CIAPIN1: variants seen among roughly 807,000 people sequenced by gnomAD.
CIAPIN1 encodes anamorsin.
Under a neutral mutation model 34.3 loss-of-function variants are expected in CIAPIN1, and 18 were observed. The ratio of observed to expected loss-of-function variants is 0.52; its 90% CI spans 0.36 to 0.78. The LOEUF (loss-of-function observed/expected upper bound fraction) is 0.78. CIAPIN1 is among the 30% of genes least tolerant of loss of function. The pLI, the probability that CIAPIN1 is intolerant of heterozygous loss-of-function variation, is 0.00. For synonymous variants in CIAPIN1, 131 were observed against 140.4 expected, an observed-to-expected ratio of 0.93 and a Z score of 0.47; for missense variants, 310 against 372.5, an observed-to-expected ratio of 0.83 and a Z score of 1.38.
intron 3 of CIAPIN1, among the ~76,000 whole-genome samples, chr16:57,437,279 A>C (rs1406756881): frequency 1.3e-5 from 2 of 152,154 alleles, no homozygotes; most frequent in African/African-American, 4.8e-5. Context: ...GTTTTCAGTA[A>C]ATTACATGAG....
rs1186666493 is a variant in CIAPIN1, at chr16:57,436,750, CCAA to C, written c.311-21_311-19del. The C allele has an allele frequency of 6.2e-7, 1 of 1,603,200 alleles. No individual in the cohort carries two copies. Among genetic ancestry groups the C allele is most frequent in the Non-Finnish European group, 8.5e-7 (1 of 1,171,080 alleles). The stretch of plus-strand genomic sequence containing the variant: ...ATTGTTATCTGCCAAAAGGAAAATC[CCAA>C]TTAATAGCTTTATAGTTCAAAGTAG... On this transcript the variant is annotated intron_variant, in intron 3 of 8. Coordinates refer to ENST00000394391, the MANE Select transcript of CIAPIN1 (RefSeq NM_020313.4).
chr16:57,439,582 G>A (rs181341755), intron 2 of CIAPIN1, among the ~76,000 whole-genome samples: 30 of 152,324 alleles, frequency 2.0e-4, no homozygotes, highest in Admixed American at 3.3e-4. Flanking sequence ...GACCCCAAAC[G>A]GAGGGACCGG....
chr16:57,431,321 G>T, intron 6 of CIAPIN1, 55 bp from the exon 7 acceptor site: 1 of 1,236,514 alleles, frequency 8.1e-7, no homozygotes. Context: ...CTAATGAAAA[G>T]CTAAAGTGAC....
chr16:57,432,062 C>T (rs542086050), intron 6 of CIAPIN1, among the ~76,000 whole-genome samples: 1 of 152,108 alleles, frequency 6.6e-6, no homozygotes, highest in South Asian at 2.1e-4. Flanking sequence ...CCTGTAATCC[C>T]AGCACTTTGG....
At chr16:57,432,392 G>A (rs776788992) in intron 6 of CIAPIN1, 95 bp downstream of exon 6, 123 of 991,302 alleles carry the variant, frequency 1.2e-4, no homozygotes, top group Admixed American at 1.8e-4. Flanking sequence ...CTTTAAATAC[G>A]TTCACACCTA....
chr16:57,432,962 C>T (rs1903122056), intron 5 of CIAPIN1, among the ~76,000 whole-genome samples: 1 of 152,226 alleles, frequency 6.6e-6, no homozygotes, highest in South Asian at 2.1e-4. Context: ...ATTGCTTCCT[C>T]CTCGATACCT....
rs778925110 is a variant in CIAPIN1, at chr16:57,436,697, A to G, written c.346T>C (p.Cys116Arg). 4.6e-5 allele frequency: 74 copies of G among 1,613,958 alleles called. No individual in the cohort carries two copies. The highest frequency in any genetic ancestry group is 6.2e-5 in the Non-Finnish European group (73 of 1,179,944). ...AGACCAGAAAGAGTCAGGGCTGAAC[A>G]CAGCTTAGATGCTGTCTTCACTTTG... Reference protein sequence around the residue: ...NSKVKTASKLCSALTLSGLVE... With the variant: ...NSKVKTASKLRSALTLSGLVE... The change falls in exon 4 of 9, where the codon TGT becomes CGT. Residue 116 changes from cysteine (C) to arginine (R), a missense_variant. Transcript: ENST00000394391.
At chr16:57,434,351 C>T in intron 4 of CIAPIN1, 139 bp from the exon 5 acceptor site, 1 of 739,192 alleles carries the variant, frequency 1.4e-6, no homozygotes, top group Non-Finnish European at 2.3e-6. Context: ...CACTTTATGC[C>T]TCACATTCAG....
Position 57,431,195 on chromosome 16 carries a change from A to G in CIAPIN1, c.702T>C (p.Ala234=). The G allele has an allele frequency of 6.2e-7, 1 of 1,613,886 alleles. No individual in the cohort carries two copies. The part of the protein sequence containing the change: ...LKKPDPASLR[A]ASCGEGKKRK... Reference sequence around the variant, plus strand: ...TCTTTTTCCCTTCCCCACAAGAAGCAGCCCGCAGGGAAGCTGGATCTGGCT... The same window carrying G: ...TCTTTTTCCCTTCCCCACAAGAAGCGGCCCGCAGGGAAGCTGGATCTGGCT... Residue 234 remains alanine, a synonymous_variant, in exon 7 of 9, where the codon GCT becomes GCC. Transcript: ENST00000394391.
At position 57,439,227 on chromosome 16, in the gene CIAPIN1, G is replaced by A. The variant is rs760213310; in HGVS notation, c.265C>T (p.Pro89Ser). 3 of 1,614,110 alleles carry A rather than the reference G, an allele frequency of 1.9e-6. No individual in the cohort carries two copies. In the South Asian group the frequency reaches 3.3e-5, roughly 18 times the overall value. The change falls in exon 3 of 9, where the codon CCT (proline) becomes TCT (serine). Residue 89 changes from proline to serine, a missense_variant. Coordinates refer to ENST00000394391, the MANE Select transcript of CIAPIN1 (RefSeq NM_020313.4). ...ILAEIARILR[P>S]GGCLFLKEPV... ...TCCTTCAGAAAAAGACATCCACCAG[G>A]CCGAAGGATCCGGGCGATTTCAGCC...
intron 1 of CIAPIN1, 125 bp downstream of exon 1, chr16:57,447,217 C>T: frequency 2.9e-6 from 1 of 346,068 alleles, no homozygotes; most frequent in Non-Finnish European, 5.2e-6. Context: ...AGCGGGGCGG[C>T]CGTGGCTGCG....
At position 57,430,328 on chromosome 16, in the gene CIAPIN1, A is replaced by C; in HGVS notation, c.758T>G (p.Leu253Arg). The C allele has an allele frequency of 1.2e-6, 2 of 1,614,240 alleles. No homozygotes were observed. Among genetic ancestry groups the C allele is most frequent in the South Asian group, 1.1e-5 (1 of 91,086 alleles). ...CTTCTCTTTTTCCAGTTCTTCGGCA[A>C]GGCCACAGGTGCTGCGGGAAAATCA... Reference protein sequence around the residue: ...RKACKNCTCGLAEELEKEKSR... With the variant: ...RKACKNCTCGRAEELEKEKSR... Residue 253 changes from leucine to arginine, a missense_variant, in exon 8 of 9, where the codon CTT becomes CGT. By Grantham distance (102) the Leu-to-Arg change is moderately radical. Coordinates refer to ENST00000394391, the MANE Select transcript of CIAPIN1 (RefSeq NM_020313.4).
In CIAPIN1 at chr16:57,440,994, AC is replaced by A. The variant is rs2064540781; in HGVS notation, c.-55-12del. On this transcript the variant is annotated splice_polypyrimidine_tract_variant and intron_variant, in intron 1 of 8. Transcript: ENST00000394391. Reference sequence around the variant, plus strand: ...AAAAGGGAATCAAGACTGGGCAGAGACAAAGTGCAATTTAATCTGTGAGATA... The same window carrying A: ...AAAAGGGAATCAAGACTGGGCAGAGAAAAGTGCAATTTAATCTGTGAGATA... 1 of 1,518,524 alleles carries A rather than the reference AC, an allele frequency of 6.6e-7. No homozygotes were observed. The highest frequency in any genetic ancestry group is 2.1e-5 in the Admixed American group (1 of 47,738). 94.1% of individuals were successfully genotyped at this position (1,518,524 alleles called of 1,614,324 possible).
chr16:57,429,013 G>A lies in CIAPIN1; in HGVS notation c.*157C>T. 2 of 620,566 alleles carry A rather than the reference G, an allele frequency of 3.2e-6. No homozygotes were observed. Among genetic ancestry groups the A allele is most frequent in the Non-Finnish European group, 2.9e-6 (1 of 342,958 alleles). 38.4% of individuals were successfully genotyped at this position (620,566 alleles called of 1,614,324 possible). ...ATACACAGCAGCACTACACACCACT[G>A]TGCCCCCCAGCCAGCTTCACTCTGT... On this transcript the variant is annotated 3_prime_UTR_variant, in exon 9 of 9. Coordinates refer to ENST00000394391, the MANE Select transcript of CIAPIN1 (RefSeq NM_020313.4).
intron 1 of CIAPIN1, among the ~76,000 whole-genome samples, chr16:57,445,114 C>T (rs2030003113): frequency 6.6e-6 from 1 of 152,208 alleles, no homozygotes; most frequent in Non-Finnish European, 1.5e-5. Context: ...CAAAAAATAA[C>T]ACTGAAGTTT....
At chr16:57,435,282 C>T (rs990081838) in intron 4 of CIAPIN1, among the ~76,000 whole-genome samples, 4 of 152,184 alleles carry the variant, frequency 2.6e-5, no homozygotes, top group East Asian at 1.9e-4. Context: ...TCATTGAGGC[C>T]TCCCTAGAAG....
intron 1 of CIAPIN1, among the ~76,000 whole-genome samples, chr16:57,441,728 A>T (rs1845549425): frequency 6.6e-6 from 1 of 152,230 alleles, no homozygotes; most frequent in South Asian, 2.1e-4. Context: ...CATGCTTTTA[A>T]CCTATGGAAA....
chr16:57,430,465 G>C lies in CIAPIN1; in HGVS notation c.747-126C>G, dbSNP rs1598021090. On this transcript the variant is annotated intron_variant, in intron 7 of 8. Coordinates refer to ENST00000394391, the MANE Select transcript of CIAPIN1 (RefSeq NM_020313.4). ...CAGTGTCATAACTCAGAAGCCTATAGGCCAGGCAGACAGCAGCAATATGAG... is the reference window on the plus strand; with the variant it reads ...CAGTGTCATAACTCAGAAGCCTATACGCCAGGCAGACAGCAGCAATATGAG... 48 of 797,646 alleles carry C rather than the reference G, an allele frequency of 6.0e-5. No individual in the cohort carries two copies. The East Asian group carries it at 1.2e-3, about 21-fold the overall frequency. 49.4% of individuals were successfully genotyped at this position (797,646 alleles called of 1,614,324 possible).
Position 57,430,327 on chromosome 16 carries a change from A to T in CIAPIN1, c.759T>A (p.Leu253=). 5 of 1,614,248 alleles carry T rather than the reference A, an allele frequency of 3.1e-6. No individual in the cohort carries two copies. The highest frequency in any genetic ancestry group is 1.1e-5 in the South Asian group (1 of 91,092). Residue 253 remains leucine, a synonymous_variant, in exon 8 of 9, where the codon CTT becomes CTA. Transcript: ENST00000394391. Reference sequence around the variant, plus strand: ...ACTTCTCTTTTTCCAGTTCTTCGGCAAGGCCACAGGTGCTGCGGGAAAATC... The same window carrying T: ...ACTTCTCTTTTTCCAGTTCTTCGGCTAGGCCACAGGTGCTGCGGGAAAATC... ...RKACKNCTCG[L]AEELEKEKSR...
Sources: gnomAD v4.1 joint callset for allele counts (sites outside exome capture counted in the v4.1 genomes callset) on GRCh38, gnomAD v4.1.1 for gene constraint, MANE v1.5 for transcripts, NCBI Gene and HGNC (gene_info 2026-07-23, HGNC 2026-07-21) for gene names.